Variants in REV3L observed in about 807,000 individuals in gnomAD.
REV3L encodes DNA polymerase zeta catalytic subunit.
A neutral mutation model predicts 299.4 loss-of-function variants in REV3L; 69 were observed. The observed-to-expected ratio is 0.23, with a 90% CI of 0.19 to 0.28. The LOEUF is 0.28. Ranked by LOEUF, REV3L falls within the 10% of genes least tolerant of loss-of-function variation. The probability of loss-of-function intolerance (pLI) is 1.00; values close to 1 mark genes in which losing one functional copy is unlikely to be tolerated. For missense variants in REV3L, 3,128 were observed against 3,693.8 expected (o/e 0.85, Z 3.97); for synonymous variants, 1,238 against 1,271.4 (o/e 0.97, Z 0.56).
chr6:111,380,007 T>C lies in REV3L; in HGVS notation c.1429A>G (p.Ile477Val), dbSNP rs368049438. Residue 477 changes from isoleucine to valine, a missense_variant, in exon 11 of 32, where the codon ATT (isoleucine) becomes GTT (valine). Ile to Val is a conservative substitution (Grantham distance 29). This residue lies in a region of REV3L where 2,409 missense variants were observed against 2,611.8 expected (regional missense o/e 0.92). Coordinates refer to ENST00000368802, the MANE Select transcript of REV3L (RefSeq NM_001372078.1). ...CTCTTTTTGGCACAATGTTCTTCAA[T>C]ATTGCTGTCCCATCTCTGGGACATC... is the stretch of plus-strand genomic sequence containing the variant. The part of the protein sequence containing the change: ...LVMSQRWDSN[I>V]EEHCAKKRSL... 36 of 1,613,086 alleles carry C rather than the reference T, an allele frequency of 2.2e-5. No homozygotes were observed. Among genetic ancestry groups the C allele is most frequent in the African/African-American group, 4.0e-5 (3 of 74,878 alleles).
Position 111,357,088 on chromosome 6 carries a change from T to C in REV3L, c.7110A>G (p.Gly2370=), listed in dbSNP as rs534756828. The C allele has an allele frequency of 5.0e-6, 8 of 1,598,534 alleles. No homozygotes were observed. In the African/African-American group the frequency reaches 6.7e-5, roughly 13 times the overall value. The change falls in exon 18 of 32, where the codon GGA becomes GGG. Residue 2370 remains glycine (G), a synonymous_variant. Coordinates refer to ENST00000368802, the MANE Select transcript of REV3L (RefSeq NM_001372078.1). Reference sequence around the variant, plus strand: ...CATAGGTGACTTCGAGTCCTGTAATTCCAGATCTAATAAGTAATGGAGTCT... The same window carrying C: ...CATAGGTGACTTCGAGTCCTGTAATCCCAGATCTAATAAGTAATGGAGTCT... ...RYQTPLLIRS[G]ITGLEVTYAA...
At chr6:111,481,737 C>A (rs2128348921) in intron 1 of REV3L, among the ~76,000 whole-genome samples, 1 of 152,252 alleles carries the variant, frequency 6.6e-6, no homozygotes, top group South Asian at 2.1e-4. Flanking sequence ...TCCATTATTT[C>A]ATGGAAGCAG....
chr6:111,314,249 G>A (rs866641516), intron 27 of REV3L, among the ~76,000 whole-genome samples: 3 of 152,170 alleles, frequency 2.0e-5, no homozygotes, highest in Non-Finnish European at 4.4e-5. Flanking sequence ...GTTTTGCAAA[G>A]AAAGAATATA....
At chr6:111,464,025 C>T (rs1002731547) in intron 1 of REV3L, among the ~76,000 whole-genome samples, 3 of 152,022 alleles carry the variant, frequency 2.0e-5, no homozygotes, top group African/African-American at 7.3e-5. Context: ...GCTCCCATCA[C>T]TGATTAAATC....
chr6:111,460,696 A>G (rs1395763157), intron 1 of REV3L, among the ~76,000 whole-genome samples: 1 of 152,164 alleles, frequency 6.6e-6, no homozygotes, highest in Non-Finnish European at 1.5e-5. Flanking sequence ...GAACAACAGT[A>G]TAAACGGTAT....
chr6:111,445,266 C>T (rs549066821), intron 1 of REV3L, among the ~76,000 whole-genome samples: 16 of 152,248 alleles, frequency 1.1e-4, no homozygotes, highest in African/African-American at 3.6e-4. Flanking sequence ...GATTAAGTAA[C>T]CATTGGGTGC....
chr6:111,384,319 C>T (rs1781123257), intron 9 of REV3L, among the ~76,000 whole-genome samples: 1 of 152,104 alleles, frequency 6.6e-6, no homozygotes, highest in African/African-American at 2.4e-5. Flanking sequence ...AGTGAAGAGA[C>T]AACCCACAGA....
rs202241481 is a variant in REV3L at position 111,422,597 on chromosome 6, C to CAT, written c.140-6127_140-6126dup. On this transcript the variant is annotated intron_variant, in intron 1 of 31. Coordinates refer to ENST00000368802, the MANE Select transcript of REV3L (RefSeq NM_001372078.1). ...ATATACACATATATATATATATACA[C>CAT]ATATATATATATATACACATATATA... is the stretch of plus-strand genomic sequence containing the variant. Among the ~76,000 whole-genome samples the CAT allele has an allele frequency of 7.3e-4, 13 of 17,920 alleles. 2 individuals carry two copies. Among genetic ancestry groups the CAT allele is most frequent in the South Asian group, 4.7e-3 (3 of 636 alleles). The allele number at this position is 17,920 out of a possible 152,430, so 11.8% of individuals were successfully genotyped here. A position where few individuals can be genotyped will look rare whatever the true frequency, so the allele number is the denominator to read the frequency against.
At chr6:111,446,448 A>C (rs1033926511) in intron 1 of REV3L, among the ~76,000 whole-genome samples, 6 of 152,176 alleles carry the variant, frequency 3.9e-5, no homozygotes, top group African/African-American at 1.4e-4. Flanking sequence ...TCACGCTTAC[A>C]ATCCCAGCGC....
At chr6:111,349,412 G>T in intron 19 of REV3L, 76 bp from the exon 20 acceptor site, 2 of 670,152 alleles carry the variant, frequency 3.0e-6, no homozygotes, top group Non-Finnish European at 5.1e-6. Flanking sequence ...GGGAAAATGA[G>T]AATATACATT....
intron 25 of REV3L, among the ~76,000 whole-genome samples, chr6:111,327,084 G>A (rs772216585): frequency 6.6e-6 from 1 of 152,074 alleles, no homozygotes; most frequent in Non-Finnish European, 1.5e-5. Context: ...CGTACTCCCT[G>A]GTGAAACCCT....
In REV3L at chr6:111,366,052, T is replaced by C. The variant is rs116879375; in HGVS notation, c.6674-708A>G. Among the ~76,000 whole-genome samples the C allele has an allele frequency of 3.7e-3, 560 of 152,188 alleles. 6 individuals are homozygous for C. The highest frequency in any genetic ancestry group is 5.1e-3 in the Non-Finnish European group (347 of 67,986). ...GGACTAGAAACTACAAGGTGGGTAA[T>C]GAGGGAATGAGGTGAGTGTTAAAAA... is the stretch of plus-strand genomic sequence containing the variant. On this transcript the variant is annotated intron_variant, in intron 14 of 31. Transcript: ENST00000368802.
intron 1 of REV3L, among the ~76,000 whole-genome samples, chr6:111,425,229 C>T (rs895029419): frequency 4.6e-5 from 7 of 152,060 alleles, no homozygotes; most frequent in Non-Finnish European, 7.4e-5. Context: ...GAGGCCGAGG[C>T]GGGCAGATTA....
chr6:111,351,719 G>T lies in REV3L; in HGVS notation c.7257C>A (p.Ala2419=), dbSNP rs373188557. The T allele has an allele frequency of 8.7e-6, 14 of 1,613,418 alleles. No homozygotes were observed. In the East Asian group the frequency reaches 2.9e-4, roughly 33 times the overall value. Residue 2419 remains alanine (A), a synonymous_variant, in exon 19 of 32, where the codon GCC becomes GCA. Coordinates refer to ENST00000368802, the MANE Select transcript of REV3L (RefSeq NM_001372078.1). The part of the protein sequence containing the change: ...HSWGYLLQRA[A]ALSIDLCRMI... ...TCCGACATAAGTCAATACTTAAAGC[G>T]GCAGCCCTTTGTAAGAGGTAACCCC...
intron 4 of REV3L, among the ~76,000 whole-genome samples, chr6:111,397,527 C>T (rs777100137): frequency 1.4e-4 from 21 of 152,138 alleles, no homozygotes; most frequent in Non-Finnish European, 2.8e-4. Flanking sequence ...TGTGGCCTAA[C>T]GTATGATCTT....
intron 1 of REV3L, among the ~76,000 whole-genome samples, chr6:111,423,021 G>A (rs1785750850): frequency 6.6e-6 from 1 of 151,924 alleles, no homozygotes; most frequent in Admixed American, 6.6e-5. Context: ...TGTCTAATGT[G>A]TCTTTGTATA....
At chr6:111,440,205 G>A (rs1788094523) in intron 1 of REV3L, among the ~76,000 whole-genome samples, 1 of 152,072 alleles carries the variant, frequency 6.6e-6, no homozygotes, top group South Asian at 2.1e-4. Context: ...TAGTAGCTGG[G>A]ATTACAGGCA....
chr6:111,408,601 T>TAAAAACAAAA (rs1783893492), intron 3 of REV3L, among the ~76,000 whole-genome samples: 1 of 76,748 alleles, frequency 1.3e-5, no homozygotes, highest in East Asian at 4.5e-4. Flanking sequence ...GACTCCATCT[T>TAAAAACAAAA]AAAAACAAAA....
At chr6:111,368,407 ATCAT>A (rs1342654046) in intron 13 of REV3L, among the ~76,000 whole-genome samples, 1 of 152,248 alleles carries the variant, frequency 6.6e-6, no homozygotes, top group Non-Finnish European at 1.5e-5. Context: ...CAATGAATTT[ATCAT>A]TCAAATACTA....
Sources: allele counts gnomAD v4.1 joint callset (sites outside exome capture counted in the v4.1 genomes callset), GRCh38; gene constraint gnomAD v4.1.1; regional missense constraint gnomAD v4.1.1; transcripts MANE v1.5; gene names NCBI Gene and HGNC (gene_info 2026-07-23, HGNC 2026-07-21).